The following FBXL17 variants were observed in gnomAD, a reference collection of about 807,000 sequenced individuals.
FBXL17 encodes the protein F-box and leucine rich repeat protein 17, also known as F-box/LRR-repeat protein 17.
A neutral mutation model predicts 66.2 loss-of-function variants in FBXL17; 22 were observed. That is an observed-to-expected ratio of 0.33 (90% CI 0.24 to 0.47). FBXL17 has a LOEUF of 0.47. FBXL17 is among the 20% of genes least tolerant of loss of function. The pLI is 1.00. For missense variants in FBXL17, 878 were observed against 948.2 expected (o/e 0.93, Z 0.97); for synonymous variants, 474 against 400.5 (o/e 1.18, Z -2.19).
At chr5:108,038,401 C>G (rs775616706) in intron 6 of FBXL17, among the ~76,000 whole-genome samples, 1 of 151,884 alleles carries the variant, frequency 6.6e-6, no homozygotes, top group Non-Finnish European at 1.5e-5. Context: ...AAAAAACCCT[C>G]AAAGTTTAGG....
At chr5:108,027,680 T>C (rs905740283) in intron 6 of FBXL17, among the ~76,000 whole-genome samples, 1 of 152,106 alleles carries the variant, frequency 6.6e-6, no homozygotes, top group Non-Finnish European at 1.5e-5. Context: ...TTAATGTTCC[T>C]ACCTAGGAGC....
At chr5:108,182,186 A>G (rs1753031767) in intron 6 of FBXL17, among the ~76,000 whole-genome samples, 1 of 152,314 alleles carries the variant, frequency 6.6e-6, no homozygotes, top group Non-Finnish European at 1.5e-5. Flanking sequence ...GCAAGTATTT[A>G]GTAGGGGGCT....
chr5:108,158,524 T>TGTGTGTGTGTGC (rs1752085955), intron 6 of FBXL17, among the ~76,000 whole-genome samples: 5 of 151,658 alleles, frequency 3.3e-5, no homozygotes, highest in Admixed American at 3.3e-4. Context: ...TGTGTGTGTG[T>TGTGTGTGTGTGC]GTGTGTGTGC....
chr5:108,291,007 C>T (rs1318201405), intron 4 of FBXL17, among the ~76,000 whole-genome samples: 1 of 152,116 alleles, frequency 6.6e-6, no homozygotes, highest in East Asian at 1.9e-4. Context: ...ACCACATATG[C>T]AACGCCATCT....
intron 8 of FBXL17, among the ~76,000 whole-genome samples, chr5:107,875,093 T>TTC (rs371602965): frequency 2.7e-5 from 4 of 150,242 alleles, no homozygotes; most frequent in African/African-American, 7.5e-5. Context: ...TTTTCTTTCT[T>TTC]TCTCTCTCTC....
intron 4 of FBXL17, among the ~76,000 whole-genome samples, chr5:108,302,623 G>A (rs568137805): frequency 6.6e-6 from 1 of 151,560 alleles, no homozygotes; most frequent in Non-Finnish European, 1.5e-5. Context: ...TAATTGAACT[G>A]TTAATTTTAC....
rs1368812857 is a variant in FBXL17 at position 108,381,339 on chromosome 5, C to T, written c.353G>A (p.Arg118His). 1.5e-6 allele frequency: 2 copies of T among 1,375,046 alleles called. No individual in the cohort carries two copies. Among genetic ancestry groups the T allele is most frequent in the Non-Finnish European group, 1.9e-6 (2 of 1,070,942 alleles). 85.2% of individuals were successfully genotyped at this position (1,375,046 alleles called of 1,614,324 possible). ...GGCGGCGGCCGAGGATAGCAGGAAG[C>T]GGCGGGCAGCAGCGGCGCAGTCCTC... ...AAEDCAAAAR[R>H]FLLSSAAAAA... is the part of the protein sequence containing the mutation. Residue 118 changes from arginine (R) to histidine (H), a missense_variant, in exon 1 of 9, where the codon CGC becomes CAC. Arg to His is a conservative substitution (Grantham distance 29, BLOSUM62 0). Transcript: ENST00000542267.
At chr5:108,310,536 C>T (rs968220485) in intron 4 of FBXL17, among the ~76,000 whole-genome samples, 3 of 152,072 alleles carry the variant, frequency 2.0e-5, no homozygotes, top group Non-Finnish European at 2.9e-5. Context: ...AAATAAATAA[C>T]CCAGCTGTGG....
chr5:107,996,422 C>A (rs2112705134), intron 7 of FBXL17, among the ~76,000 whole-genome samples: 1 of 152,266 alleles, frequency 6.6e-6, no homozygotes, highest in East Asian at 1.9e-4. Flanking sequence ...TCAAGTGAGT[C>A]TCATGTCTCA....
chr5:108,023,999 G>A (rs1009529308), intron 6 of FBXL17, among the ~76,000 whole-genome samples: 6 of 152,130 alleles, frequency 3.9e-5, no homozygotes, highest in African/African-American at 1.4e-4. Context: ...AGTTTGGTCT[G>A]TAGGAGCAAG....
intron 8 of FBXL17, among the ~76,000 whole-genome samples, chr5:107,867,855 C>G (rs898132266): frequency 6.6e-6 from 1 of 152,190 alleles, no homozygotes; most frequent in Non-Finnish European, 1.5e-5. Context: ...AATTCTGCCA[C>G]CAAAACTGCT....
intron 6 of FBXL17, among the ~76,000 whole-genome samples, chr5:108,029,791 G>A (rs1287574475): frequency 6.6e-6 from 1 of 151,214 alleles, no homozygotes; most frequent in Non-Finnish European, 1.5e-5. Context: ...TTTTTTAACC[G>A]AAGGATAGAG....
At chr5:107,885,320 T>C (rs1748927565) in intron 7 of FBXL17, among the ~76,000 whole-genome samples, 1 of 152,210 alleles carries the variant, frequency 6.6e-6, no homozygotes, top group South Asian at 2.1e-4. Flanking sequence ...CTAATAGTCA[T>C]TCCCATAGAC....
rs983284020 is a variant in FBXL17 at position 108,130,601 on chromosome 5, A to G, written c.1745+55516T>C. Among the ~76,000 whole-genome samples the G allele has an allele frequency of 3.3e-5, 5 of 152,186 alleles. No individual in the cohort carries two copies. The East Asian group carries it at 7.7e-4, about 23-fold the overall frequency. On this transcript the variant is annotated intron_variant, in intron 6 of 8. Coordinates refer to ENST00000542267, the MANE Select transcript of FBXL17 (RefSeq NM_001163315.3). Reference sequence around the variant, plus strand: ...AAGACAGCTTTTCTGTATGCTGAAAATATCTCAAACCAATTCTTTTCCAAT... The same window carrying G: ...AAGACAGCTTTTCTGTATGCTGAAAGTATCTCAAACCAATTCTTTTCCAAT...
intron 6 of FBXL17, among the ~76,000 whole-genome samples, chr5:108,068,458 TGG>T (rs113038445): frequency 6.6e-4 from 79 of 120,418 alleles, no homozygotes; most frequent in East Asian, 3.9e-3. Flanking sequence ...TTTCTTTTTT[TGG>T]GGGGGGGGCG....
intron 8 of FBXL17, among the ~76,000 whole-genome samples, chr5:107,876,702 T>A (rs1025384229): frequency 6.6e-6 from 1 of 152,184 alleles, no homozygotes; most frequent in Admixed American, 6.5e-5. Context: ...GCCCTACAGC[T>A]TTATCATGAT....
At chr5:108,290,743 T>A (rs986197458) in intron 4 of FBXL17, among the ~76,000 whole-genome samples, 3 of 152,166 alleles carry the variant, frequency 2.0e-5, no homozygotes, top group Non-Finnish European at 4.4e-5. Flanking sequence ...TTTTTTTCCA[T>A]AAAGGTCTTA....
At chr5:108,250,937 G>A (rs1262964686) in intron 4 of FBXL17, among the ~76,000 whole-genome samples, 4 of 151,902 alleles carry the variant, frequency 2.6e-5, no homozygotes, top group Non-Finnish European at 5.9e-5. Flanking sequence ...TAGCTACACA[G>A]TATTCTATCA....
At chr5:108,052,252 A>T (rs1010891007) in intron 6 of FBXL17, among the ~76,000 whole-genome samples, 1 of 152,210 alleles carries the variant, frequency 6.6e-6, no homozygotes, top group African/African-American at 2.4e-5. Context: ...AAATAGGAAA[A>T]GCGGAAGATA....
Sources: allele counts gnomAD v4.1 joint callset (sites outside exome capture counted in the v4.1 genomes callset), GRCh38; gene constraint gnomAD v4.1.1; transcripts MANE v1.5; gene names NCBI Gene and HGNC (gene_info 2026-07-23, HGNC 2026-07-21).